The following MPO variants were observed in gnomAD, a reference collection of about 807,000 sequenced individuals.
The protein encoded by MPO is myeloperoxidase.
In MPO, 57 loss-of-function variants were observed where a neutral mutation model predicts 69.4. That is an observed-to-expected ratio of 0.82 (90% CI 0.66 to 1.02). The LOEUF (loss-of-function observed/expected upper bound fraction) is 1.02, where lower values mean the gene tolerates loss of function less well. Ranked by LOEUF, MPO falls within the 50% of genes least tolerant of loss-of-function variation. The pLI is 0.00. For missense variants in MPO, 971 were observed against 1,014.1 expected, an observed-to-expected ratio of 0.96 and a Z score of 0.58; for synonymous variants, 426 against 417.1, an observed-to-expected ratio of 1.02 and a Z score of -0.26.
chr17:58,270,660 G>A lies in MPO; in HGVS notation c.2234C>T (p.Ser745Phe). Residue 745 changes from serine (S) to phenylalanine (F), a missense_variant, in exon 12 of 12, where the codon TCC becomes TTC. Transcript: ENST00000225275. The surrounding 1 kb of genome is among the most constrained non-coding windows in gnomAD (Gnocchi z 4.1). Reference sequence around the variant, plus strand: ...CTGCACCCCCTTACCTGGCCTCTAGGAGGCTTCCCTCCAGGAAGCCAGGTT... The same window carrying A: ...CTGCACCCCCTTACCTGGCCTCTAGAAGGCTTCCCTCCAGGAAGCCAGGTT... ...ALNLASWREA[S>F] The A allele has an allele frequency of 6.2e-7, 1 of 1,609,820 alleles. No homozygotes were observed. Among genetic ancestry groups the A allele is most frequent in the Non-Finnish European group, 8.5e-7 (1 of 1,177,754 alleles).
chr17:58,279,460 G>A, intron 4 of MPO, 34 bp from the exon 5 acceptor site: 2 of 1,612,088 alleles, frequency 1.2e-6, no homozygotes, highest in Non-Finnish European at 1.7e-6. Flanking sequence ...ACACCGGGAG[G>A]CTTGTGGCGT....
chr17:58,279,883 T>C lies in MPO; in HGVS notation c.380A>G (p.Glu127Gly). 1 of 1,614,038 alleles carries C rather than the reference T, an allele frequency of 6.2e-7. No homozygotes were observed. Among genetic ancestry groups the C allele is most frequent in the Non-Finnish European group, 8.5e-7 (1 of 1,180,014 alleles). Residue 127 changes from glutamate (E) to glycine (G), a missense_variant, in exon 3 of 12, where the codon GAG becomes GGG. Transcript: ENST00000225275. Reference protein sequence around the residue: ...DYLHVALDLLERKLRSLWRRP... With the variant: ...DYLHVALDLLGRKLRSLWRRP... ...TCGCCACAGGGACCGCAGCTTCCTC[T>C]CCAGCAGGTCTAGAGCCACGTGCAG...
At chr17:58,279,455 G>A (rs910279521) in intron 4 of MPO, 29 bp from the exon 5 acceptor site, 12 of 1,611,738 alleles carry the variant, frequency 7.4e-6, no homozygotes, top group South Asian at 4.4e-5. Context: ...CGCTGACACC[G>A]GGAGGCTTGT....
At chr17:58,273,383 C>T (rs1192955798) in intron 9 of MPO, 31 bp downstream of exon 9, 1 of 1,613,898 alleles carries the variant, frequency 6.2e-7, no homozygotes, top group East Asian at 2.2e-5. Context: ...TAGCTGTCAG[C>T]CCACTCGCTC....
At position 58,275,413 on chromosome 17, in the gene MPO, T is replaced by C. The variant is rs1328804406; in HGVS notation, c.1365+129A>G. The C allele has an allele frequency of 1.7e-6, 2 of 1,186,414 alleles. No homozygotes were observed. Among genetic ancestry groups the C allele is most frequent in the African/African-American group, 1.5e-5 (1 of 66,614 alleles). The allele number at this position is 1,186,414 out of a possible 1,614,324, so 73.5% of individuals were successfully genotyped here. The stretch of plus-strand genomic sequence containing the variant: ...GAAAGGTGTTTTCATATATGTATTA[T>C]AATCCTTACAGCCTCATGGATGAAG... On this transcript the variant is annotated intron_variant, in intron 8 of 11. Coordinates refer to ENST00000225275, the MANE Select transcript of MPO (RefSeq NM_000250.2). This position sits in a 1 kb window ranked among gnomAD's most constrained non-coding sequence, Gnocchi z 4.1.
In MPO at chr17:58,280,787, CT is replaced by C; in HGVS notation, c.-30del. 1 of 1,613,470 alleles carries C rather than the reference CT, an allele frequency of 6.2e-7. No individual in the cohort carries two copies. On this transcript the variant is annotated 5_prime_UTR_variant, in exon 1 of 12. Coordinates refer to ENST00000225275, the MANE Select transcript of MPO (RefSeq NM_000250.2). ...TCTTCTCCTGGGCTGCTCAATCCCC[CT>C]TTGTACCTCAGCCCCACCTCAGAGG...
intron 1 of MPO, 51 bp downstream of exon 1, chr17:58,280,552 CTG>C: frequency 6.2e-7 from 1 of 1,614,130 alleles, no homozygotes; most frequent in Non-Finnish European, 8.5e-7. Flanking sequence ...AAAGGGGTCT[CTG>C]GAACACAACC....
intron 9 of MPO, 48 bp downstream of exon 9, chr17:58,273,366 C>T: frequency 1.2e-6 from 2 of 1,613,500 alleles, no homozygotes; most frequent in Non-Finnish European, 1.7e-6. Context: ...GATCCCTACC[C>T]CACCTTTAGC....
Position 58,279,340 on chromosome 17 carries a change from C to T in MPO, c.635G>A (p.Gly212Asp). ...EYEDGFSLPY[G>D]WTPGVKRNGF... The stretch of plus-strand genomic sequence containing the variant: ...GTTGCGCTTGACCCCGGGCGTCCAG[C>T]CGTAGGGAAGAGAGAAGCCGTCCTC... The change falls in exon 5 of 12, where the codon GGC becomes GAC. Residue 212 changes from glycine to aspartate, a missense_variant. Gly to Asp is a moderately conservative substitution (Grantham distance 94). Transcript: ENST00000225275. The T allele has an allele frequency of 6.3e-7, 1 of 1,578,646 alleles. No individual in the cohort carries two copies.
Position 58,275,551 on chromosome 17 carries a change from G to A in MPO, c.1356C>T (p.Ala452=), listed in dbSNP as rs745861300. The A allele has an allele frequency of 1.2e-6, 2 of 1,614,148 alleles. No individual in the cohort carries two copies. The highest frequency in any genetic ancestry group is 1.7e-6 in the Non-Finnish European group (2 of 1,180,008). The change falls in exon 8 of 12, where the codon GCC becomes GCT. Residue 452 remains alanine (A), a synonymous_variant. Transcript: ENST00000225275. The surrounding 1 kb of genome is among the most constrained non-coding windows in gnomAD (Gnocchi z 4.1). The part of the protein sequence containing the change: ...LYQEARKIVG[A]MVQIITYRDY... Reference sequence around the variant, plus strand: ...GTTCAAGACGGCCTACCTGGACCATGGCCCCCACGATCTTCCGGGCTTCCT... The same window carrying A: ...GTTCAAGACGGCCTACCTGGACCATAGCCCCCACGATCTTCCGGGCTTCCT...
chr17:58,280,410 C>G lies in MPO; in HGVS notation c.204G>C (p.Glu68Asp). ...AGGCCTTGTCCACCAGCTGCTTGGC[C>G]TCCTCCATGGAGCTCAGCACCAACG... is the stretch of plus-strand genomic sequence containing the variant. ...DTSLVLSSMEEAKQLVDKAYK... is the reference protein window; with the variant it reads ...DTSLVLSSMEDAKQLVDKAYK... The change falls in exon 2 of 12, where the codon GAG (glutamate) becomes GAC (aspartate). Residue 68 changes from glutamate (E) to aspartate (D), a missense_variant. Transcript: ENST00000225275. The G allele has an allele frequency of 6.2e-7, 1 of 1,614,134 alleles. No individual in the cohort carries two copies. The highest frequency in any genetic ancestry group is 2.2e-5 in the East Asian group (1 of 44,864).
chr17:58,279,019 A>G lies in MPO; in HGVS notation c.874T>C (p.Phe292Leu). 1 of 1,610,058 alleles carries G rather than the reference A, an allele frequency of 6.2e-7. No individual in the cohort carries two copies. The highest frequency in any genetic ancestry group is 1.1e-5 in the South Asian group (1 of 90,580). Residue 292 changes from phenylalanine to leucine, a missense_variant, in exon 6 of 12, where the codon TTC becomes CTC. By Grantham distance (22) the Phe-to-Leu change is conservative. Coordinates refer to ENST00000225275, the MANE Select transcript of MPO (RefSeq NM_000250.2). ...ETSCVQQPPC[F>L]PLKIPPNDPR... ...GGAAGCAGGGCCACCTTGAGCGGGAAGCAGGGCGGCTGCTGAACGCAGCTG... is the reference window on the plus strand; with the variant it reads ...GGAAGCAGGGCCACCTTGAGCGGGAGGCAGGGCGGCTGCTGAACGCAGCTG...
chr17:58,271,599 G>A (rs1970364751), intron 11 of MPO, 56 bp downstream of exon 11: 2 of 1,556,580 alleles, frequency 1.3e-6, no homozygotes, highest in African/African-American at 1.4e-5. Flanking sequence ...GGCTCCAAGA[G>A]AGTCAAGGAT....
In MPO at chr17:58,278,951, C is replaced by G. The variant is rs997701153; in HGVS notation, c.885+57G>C. On this transcript the variant is annotated intron_variant, in intron 6 of 11. Coordinates refer to ENST00000225275, the MANE Select transcript of MPO (RefSeq NM_000250.2). ...CCTGGGCACAGAAGGGAGATGGCCC[C>G]TTCCAGAAACAATCTCCCCTCTCCC... 4.5e-5 allele frequency: 69 copies of G among 1,541,812 alleles called. 1 individual carries two copies. Among genetic ancestry groups the G allele is most frequent in the Non-Finnish European group, 5.7e-5 (65 of 1,146,952 alleles).
chr17:58,280,522 T>C, intron 1 of MPO, 63 bp from the exon 2 acceptor site: 1 of 1,612,324 alleles, frequency 6.2e-7, no homozygotes, highest in East Asian at 2.2e-5. Flanking sequence ...GCCCCAGAGC[T>C]AGGAAGGCCT....
Position 58,270,875 on chromosome 17 carries a change from A to T in MPO, c.2031-12T>A. 6.2e-7 allele frequency: 1 copy of T among 1,612,134 alleles called. No homozygotes were observed. Reference sequence around the variant, plus strand: ...TCTCCCACCAAAACCTGCATGGGGAACACCCATGGACACTGTGCCCAAGGA... The same window carrying T: ...TCTCCCACCAAAACCTGCATGGGGATCACCCATGGACACTGTGCCCAAGGA... On this transcript the variant is annotated splice_polypyrimidine_tract_variant and intron_variant, in intron 11 of 11. Coordinates refer to ENST00000225275, the MANE Select transcript of MPO (RefSeq NM_000250.2). The surrounding 1 kb of genome is among the most constrained non-coding windows in gnomAD (Gnocchi z 4.1).
At chr17:58,280,323 T>C (rs759648165) in intron 2 of MPO, 43 bp downstream of exon 2, 1 of 1,597,732 alleles carries the variant, frequency 6.3e-7, no homozygotes, top group Non-Finnish European at 8.6e-7. Flanking sequence ...CTGAAAGGCC[T>C]GGGACATCCT....
In MPO at chr17:58,279,136, T is replaced by C. The variant is rs759684602; in HGVS notation, c.757A>G (p.Met253Val). The change falls in exon 6 of 12, where the codon ATG becomes GTG. Residue 253 changes from methionine (M) to valine (V), a missense_variant. Met to Val is a conservative substitution (Grantham distance 21). Transcript: ENST00000225275. Reference protein sequence around the residue: ...TPDQERSLMFMQWGQLLDHDL... With the variant: ...TPDQERSLMFVQWGQLLDHDL... ...TGGTCCAACAGCTGGCCCCATTGCA[T>C]GAACATGAGTGAGCGCTCCTGGTCC... The C allele has an allele frequency of 1.2e-5, 20 of 1,612,772 alleles. No individual in the cohort carries two copies. Among genetic ancestry groups the C allele is most frequent in the Non-Finnish European group, 1.4e-5 (16 of 1,179,524 alleles).
chr17:58,280,759 C>G lies in MPO; in HGVS notation c.-1G>C, dbSNP rs1452840624. ...GAGAAGAGAAGAAGGGAACCCCCATCTCTCTTCTCCTGGGCTGCTCAATCC... is the reference window on the plus strand; with the variant it reads ...GAGAAGAGAAGAAGGGAACCCCCATGTCTCTTCTCCTGGGCTGCTCAATCC... On this transcript the variant is annotated 5_prime_UTR_variant, in exon 1 of 12. Coordinates refer to ENST00000225275, the MANE Select transcript of MPO (RefSeq NM_000250.2). The G allele has an allele frequency of 1.2e-6, 2 of 1,614,190 alleles. No homozygotes were observed. Among genetic ancestry groups the G allele is most frequent in the Non-Finnish European group, 8.5e-7 (1 of 1,180,022 alleles).
Sources: gnomAD v4.1 joint callset for allele counts on GRCh38, gnomAD v4.1.1 for gene constraint, Gnocchi (gnomAD v3.1) non-coding constraint, MANE v1.5 for transcripts, NCBI Gene and HGNC (gene_info 2026-07-23, HGNC 2026-07-21) for gene names.